FCHSD1: variants seen among roughly 807,000 people sequenced by gnomAD.
FCHSD1 encodes F-BAR and double SH3 domains protein 1.
Under a neutral mutation model 101.3 loss-of-function variants are expected in FCHSD1, and 109 were observed. That is an observed-to-expected ratio of 1.08 (90% CI 0.92 to 1.26). The LOEUF is 1.26. Ranked by LOEUF, FCHSD1 falls within the 50% of genes most tolerant of loss-of-function variation. The probability of loss-of-function intolerance (pLI) is 0.00; values close to 1 mark genes in which losing one functional copy is unlikely to be tolerated. For synonymous variants in FCHSD1, 291 were observed against 356.8 expected (o/e 0.82, Z 2.08); for missense variants, 820 against 895.8 (o/e 0.92, Z 1.08).
In FCHSD1 at chr5:141,639,870, A is replaced by G; in HGVS notation, c.*1628T>C. The G allele has an allele frequency of 6.3e-7, 1 of 1,592,924 alleles. No homozygotes were observed. Among genetic ancestry groups the G allele is most frequent in the Non-Finnish European group, 8.6e-7 (1 of 1,162,568 alleles). ...TGTCCCTGGTCAGAGGGGAGGGCCA[A>G]GCAGCCTCTGAGTTGTGGTCCTAAA... On this transcript the variant is annotated 3_prime_UTR_variant, in exon 20 of 20. Coordinates refer to ENST00000435817, the MANE Select transcript of FCHSD1 (RefSeq NM_033449.3). This position sits in a 1 kb window ranked among gnomAD's most constrained non-coding sequence, Gnocchi z 4.4.
intron 1 of FCHSD1, 77 bp downstream of exon 1, chr5:141,651,271 T>C (rs904035250): frequency 1.4e-5 from 22 of 1,547,830 alleles, no homozygotes; most frequent in Middle Eastern, 1.7e-4. Flanking sequence ...TCCCGTCTCC[T>C]ACCACAAGTC....
rs1433560444 is a variant in FCHSD1, at chr5:141,639,929, G to A, written c.*1569C>T. 2 of 1,614,004 alleles carry A rather than the reference G, an allele frequency of 1.2e-6. No homozygotes were observed. The highest frequency in any genetic ancestry group is 3.3e-5 in the Admixed American group (2 of 60,020). ...TTCCCTCCCCTCCCAGGTTCCGGGT[G>A]ACACACATTGAGAAGCGCTATGGAC... On this transcript the variant is annotated 3_prime_UTR_variant, in exon 20 of 20. Coordinates refer to ENST00000435817, the MANE Select transcript of FCHSD1 (RefSeq NM_033449.3). This position sits in a 1 kb window ranked among gnomAD's most constrained non-coding sequence, Gnocchi z 4.4.
rs1339523091 is a variant in FCHSD1, at chr5:141,646,707, A to G, written c.940T>C (p.Trp314Arg). Residue 314 changes from tryptophan to arginine, a missense_variant, in exon 11 of 20, where the codon TGG becomes CGG. Transcript: ENST00000435817. ...TTGCCAGCCACGCCTTCTGCTCCCC[A>G]CTCCAGGACACACACCTGAATGGGT... ...AGTDQVCVLE[W>R]GAEGVAGKSG... The G allele has an allele frequency of 3.1e-6, 5 of 1,612,156 alleles. No individual in the cohort carries two copies. Among genetic ancestry groups the G allele is most frequent in the Non-Finnish European group, 4.2e-6 (5 of 1,179,584 alleles).
chr5:141,642,977 A>C (rs702380), intron 18 of FCHSD1, 24 bp downstream of exon 18: 58,919 of 1,550,148 alleles, frequency 0.038, 1,342 homozygotes, highest in Non-Finnish European at 0.044. Flanking sequence ...TAGCCTCCCA[A>C]GGCTCCCAGT....
chr5:141,639,826 G>A lies in FCHSD1; in HGVS notation c.*1672C>T. 7.0e-7 allele frequency: 1 copy of A among 1,419,728 alleles called. No individual in the cohort carries two copies. Among genetic ancestry groups the A allele is most frequent in the Non-Finnish European group, 9.9e-7 (1 of 1,014,318 alleles). The allele number at this position is 1,419,728 out of a possible 1,614,324, so 87.9% of individuals were successfully genotyped here. A position where few individuals can be genotyped will look rare whatever the true frequency, so the allele number is the denominator to read the frequency against. Reference sequence around the variant, plus strand: ...CTCCCCTACCTTAGGCCAGAGGGAAGTAGCCACCAAACTCAGGATGTCCCT... The same window carrying A: ...CTCCCCTACCTTAGGCCAGAGGGAAATAGCCACCAAACTCAGGATGTCCCT... On this transcript the variant is annotated 3_prime_UTR_variant, in exon 20 of 20. Transcript: ENST00000435817. The surrounding 1 kb of genome is among the most constrained non-coding windows in gnomAD (Gnocchi z 4.4).
rs1250372184 is a variant in FCHSD1, at chr5:141,640,781, T to C, written c.*717A>G. The C allele has an allele frequency of 1.9e-6, 2 of 1,033,618 alleles. No individual in the cohort carries two copies. Among genetic ancestry groups the C allele is most frequent in the Non-Finnish European group, 2.8e-6 (2 of 720,902 alleles). 64.0% of individuals were successfully genotyped at this position (1,033,618 alleles called of 1,614,324 possible). The stretch of plus-strand genomic sequence containing the variant: ...TGCCCCCCAGCTGAGGGACCAGCTC[T>C]ACTTCCACCTGGAGTTGCACAGTCT... On this transcript the variant is annotated 3_prime_UTR_variant, in exon 20 of 20. Transcript: ENST00000435817.
At position 141,647,153 on chromosome 5, in the gene FCHSD1, C is replaced by T. The variant is rs774737987; in HGVS notation, c.906G>A (p.Gln302=). The T allele has an allele frequency of 6.2e-7, 1 of 1,608,468 alleles. No individual in the cohort carries two copies. The highest frequency in any genetic ancestry group is 1.3e-5 in the African/African-American group (1 of 74,958). The change falls in exon 10 of 20, where the codon CAG becomes CAA. Residue 302 remains glutamine (Q), a synonymous_variant. Coordinates refer to ENST00000435817, the MANE Select transcript of FCHSD1 (RefSeq NM_033449.3). The stretch of plus-strand genomic sequence containing the variant: ...ATCTCACCTGATCAGTCCCTGCTGG[C>T]TGAAACTGCTGAGGTGGGGTGGGGG... The part of the protein sequence containing the change: ...VFSPTPPQQF[Q]PAGTDQVCVL...
intron 17 of FCHSD1, among the ~76,000 whole-genome samples, 182 bp from the exon 18 acceptor site, chr5:141,643,270 T>G (rs1030979405): frequency 5.3e-5 from 8 of 152,070 alleles, no homozygotes; most frequent in Non-Finnish European, 1.0e-4. Context: ...ATTGAACGCT[T>G]ATGTTTACTA....
rs764846398 is a variant in FCHSD1, at chr5:141,644,936, G to A, written c.1447C>T (p.Arg483Cys). 2.5e-6 allele frequency: 4 copies of A among 1,613,726 alleles called. No homozygotes were observed. Among genetic ancestry groups the A allele is most frequent in the African/African-American group, 2.7e-5 (2 of 74,896 alleles). ...TCCGTGATTGTCAGCTCATCCTCAC[G>A]CCCTGCCTGGGCCACACACGAAGGA... ...AHVVFRYQAG[R>C]EDELTITEGE... Residue 483 changes from arginine to cysteine, a missense_variant, in exon 15 of 20, where the codon CGT becomes TGT. By Grantham distance (180) the Arg-to-Cys change is radical. Coordinates refer to ENST00000435817, the MANE Select transcript of FCHSD1 (RefSeq NM_033449.3).
Position 141,646,110 on chromosome 5 carries a change from G to A in FCHSD1, c.1126C>T (p.Arg376Ter), listed in dbSNP as rs770759490. 1.1e-5 allele frequency: 18 copies of A among 1,611,626 alleles called. No homozygotes were observed. The Middle Eastern group carries it at 6.9e-4, about 62-fold the overall frequency. Residue 376 changes from arginine (R) to a stop codon, truncating the protein, a stop_gained, in exon 12 of 20, where the codon CGA becomes TGA. Coordinates refer to ENST00000435817, the MANE Select transcript of FCHSD1 (RefSeq NM_033449.3). LOFTEE classifies it high-confidence loss of function. ...PSIEQRLQEV[R>*]ESIRRAQVSQ... is the part of the protein sequence containing the mutation. ...ACCTGTGCCCGGCGGATGCTCTCTCGCACTTCCTGTAACCTCTGTTCTATG... is the reference window on the plus strand; with the variant it reads ...ACCTGTGCCCGGCGGATGCTCTCTCACACTTCCTGTAACCTCTGTTCTATG...
chr5:141,640,016 C>A lies in FCHSD1; in HGVS notation c.*1482G>T, dbSNP rs1200200113. Reference sequence around the variant, plus strand: ...GCTGGGGCTCTGGTGGGGGACAGGACCCAGGGGGTGGTCAGGGGTCTGGGG... The same window carrying A: ...GCTGGGGCTCTGGTGGGGGACAGGAACCAGGGGGTGGTCAGGGGTCTGGGG... On this transcript the variant is annotated 3_prime_UTR_variant, in exon 20 of 20. Coordinates refer to ENST00000435817, the MANE Select transcript of FCHSD1 (RefSeq NM_033449.3). 1 of 1,613,552 alleles carries A rather than the reference C, an allele frequency of 6.2e-7. No homozygotes were observed. The highest frequency in any genetic ancestry group is 1.1e-5 in the South Asian group (1 of 91,078).
intron 10 of FCHSD1, 23 bp downstream of exon 10, chr5:141,647,112 T>A (rs1596464665): frequency 6.3e-7 from 1 of 1,579,636 alleles, no homozygotes. Flanking sequence ...GTGGCCTGGT[T>A]CCAACAAGCA....
chr5:141,644,223 C>A lies in FCHSD1; in HGVS notation c.1858G>T (p.Glu620Ter). ...PPGPPELSDP[E>*]QMLPSPSPPS... Reference sequence around the variant, plus strand: ...AGGGAGAAGGTAAGCCTCACCTGTTCAGGGTCAGAGAGTTCAGGTGGCCCT... The same window carrying A: ...AGGGAGAAGGTAAGCCTCACCTGTTAAGGGTCAGAGAGTTCAGGTGGCCCT... The change falls in exon 17 of 20, where the codon GAA becomes TAA. Residue 620 changes from glutamate to a stop codon, truncating the protein, a stop_gained. Transcript: ENST00000435817. LOFTEE classifies it high-confidence loss of function. 1 of 1,610,584 alleles carries A rather than the reference C, an allele frequency of 6.2e-7. No homozygotes were observed. Among genetic ancestry groups the A allele is most frequent in the Non-Finnish European group, 8.5e-7 (1 of 1,178,382 alleles).
intron 11 of FCHSD1, 156 bp from the exon 12 acceptor site, chr5:141,646,347 A>T: frequency 1.1e-6 from 1 of 931,990 alleles, no homozygotes; most frequent in East Asian, 2.6e-5. Flanking sequence ...GTGATGAGGA[A>T]ATTGAAGTCC....
At chr5:141,644,111 G>T in intron 17 of FCHSD1, 107 bp downstream of exon 17, 1 of 1,115,842 alleles carries the variant, frequency 9.0e-7, no homozygotes, top group South Asian at 1.6e-5. Flanking sequence ...ACTGTAGGAG[G>T]TAAAACTGGG....
rs764448927 is a variant in FCHSD1 at position 141,651,372 on chromosome 5, C to G, written c.-4G>C. ...CTTTTCGGGGCGGCGGCTGCATCTC[C>G]GCTCCAGCAAGGCGGTCAGCCACTG... is the stretch of plus-strand genomic sequence containing the variant. On this transcript the variant is annotated 5_prime_UTR_variant, in exon 1 of 20. Transcript: ENST00000435817. 8.0e-5 allele frequency: 124 copies of G among 1,552,962 alleles called. No individual in the cohort carries two copies. The highest frequency in any genetic ancestry group is 1.0e-4 in the Non-Finnish European group (120 of 1,147,902).
chr5:141,643,013 C>T lies in FCHSD1; in HGVS notation c.1939G>A (p.Val647Ile), dbSNP rs1176679311. ...TSVLDGPPAPVLPGDKALDFP... is the reference protein window; with the variant it reads ...TSVLDGPPAPILPGDKALDFP... Reference sequence around the variant, plus strand: ...TCCTTCCACTCACCCCCAGGCAGGACAGGTGCAGGGGGCCCATCCAACACA... The same window carrying T: ...TCCTTCCACTCACCCCCAGGCAGGATAGGTGCAGGGGGCCCATCCAACACA... The change falls in exon 18 of 20, where the codon GTC (valine) becomes ATC (isoleucine). Residue 647 changes from valine (V) to isoleucine (I), a missense_variant. By Grantham distance (29) the Val-to-Ile change is conservative. Coordinates refer to ENST00000435817, the MANE Select transcript of FCHSD1 (RefSeq NM_033449.3). 3.8e-6 allele frequency: 6 copies of T among 1,565,680 alleles called. No homozygotes were observed. The highest frequency in any genetic ancestry group is 2.7e-5 in the African/African-American group (2 of 72,810).
In FCHSD1 at chr5:141,645,830, C is replaced by G; in HGVS notation, c.1252G>C (p.Val418Leu). The G allele has an allele frequency of 6.2e-7, 1 of 1,609,166 alleles. No homozygotes were observed. The highest frequency in any genetic ancestry group is 8.5e-7 in the Non-Finnish European group (1 of 1,177,796). Residue 418 changes from valine (V) to leucine (L), a missense_variant, in exon 13 of 20, where the codon GTG (valine) becomes CTG (leucine). Physicochemically the swap from Val to Leu is conservative, Grantham distance 32. Coordinates refer to ENST00000435817, the MANE Select transcript of FCHSD1 (RefSeq NM_033449.3). ...KPAMTQAQDE[V>L]EQERRLSEAR... The stretch of plus-strand genomic sequence containing the variant: ...TCACTGAGCCGCCGCTCCTGCTCCA[C>G]CTCATCCTGGGCCTGGGTCATGGCT...
At position 141,644,914 on chromosome 5, in the gene FCHSD1, G is replaced by A. The variant is rs746301997; in HGVS notation, c.1469C>T (p.Thr490Met). 9.9e-6 allele frequency: 16 copies of A among 1,613,808 alleles called. No homozygotes were observed. The highest frequency in any genetic ancestry group is 8.3e-5 in the Admixed American group (5 of 59,994). The change falls in exon 15 of 20, where the codon ACG (threonine) becomes ATG (methionine). Residue 490 changes from threonine to methionine, a missense_variant. Thr to Met is a moderately conservative substitution (Grantham distance 81). Coordinates refer to ENST00000435817, the MANE Select transcript of FCHSD1 (RefSeq NM_033449.3). ...TATGACCTCCAGCCACTCACCCTCC[G>A]TGATTGTCAGCTCATCCTCACGCCC... ...QAGREDELTITEGEWLEVIEE... is the reference protein window; with the variant it reads ...QAGREDELTIMEGEWLEVIEE...
Sources: allele counts gnomAD v4.1 joint callset (sites outside exome capture counted in the v4.1 genomes callset), GRCh38; gene constraint gnomAD v4.1.1; non-coding constraint Gnocchi (gnomAD v3.1); transcripts MANE v1.5; gene names NCBI Gene and HGNC (gene_info 2026-07-23, HGNC 2026-07-21).